The following POLR2K variants were observed in gnomAD, a reference collection of about 807,000 sequenced individuals.
POLR2K encodes the protein DNA-directed RNA polymerases I, II, and III subunit RPABC4.
A neutral mutation model predicts 10.1 loss-of-function variants in POLR2K; 9 were observed. That is an observed-to-expected ratio of 0.89 (90% CI 0.54 to 1.56). The LOEUF is 1.56. POLR2K is among the 40% of genes most tolerant of loss of function. The probability of loss-of-function intolerance (pLI) is 0.00; values close to 1 mark genes in which losing one functional copy is unlikely to be tolerated. For synonymous variants in POLR2K, 19 were observed against 20.3 expected (o/e 0.94, Z 0.17); for missense variants, 53 against 71.9 (o/e 0.74, Z 0.95).
At chr8:100,151,958 A>C in intron 3 of POLR2K, 42 bp downstream of exon 3, 1 of 892,952 alleles carries the variant, frequency 1.1e-6, no homozygotes, top group South Asian at 1.4e-5. Flanking sequence ...GTTAGGAGGA[A>C]ATGAATAATG....
chr8:100,151,285 G>A, intron 1 of POLR2K, 62 bp from the exon 2 acceptor site: 1 of 1,047,230 alleles, frequency 9.5e-7, no homozygotes. Context: ...GAGAAAAATG[G>A]GCCCGGATGG....
chr8:100,153,183 C>A, intron 3 of POLR2K, 111 bp from the exon 4 acceptor site: 2 of 728,386 alleles, frequency 2.7e-6, no homozygotes, highest in South Asian at 1.8e-5. Flanking sequence ...TTCTTTTTTG[C>A]ATTTTAAGTT....
chr8:100,151,192 T>G lies in POLR2K; in HGVS notation c.-9-155T>G, dbSNP rs1814912505. 15 of 645,946 alleles carry G rather than the reference T, an allele frequency of 2.3e-5. No individual in the cohort carries two copies. The South Asian group carries it at 2.6e-4, about 11-fold the overall frequency. The allele number at this position is 645,946 out of a possible 1,614,324, so 40.0% of individuals were successfully genotyped here. A position where few individuals can be genotyped will look rare whatever the true frequency, so the allele number is the denominator to read the frequency against. On this transcript the variant is annotated intron_variant, in intron 1 of 3. Transcript: ENST00000353107. Reference sequence around the variant, plus strand: ...TTGGGGTAAACGCTCAATACTTGTGTGTATGCGTTTCGTCCTTGAGACCTA... The same window carrying G: ...TTGGGGTAAACGCTCAATACTTGTGGGTATGCGTTTCGTCCTTGAGACCTA...
chr8:100,153,172 A>C, intron 3 of POLR2K, 122 bp from the exon 4 acceptor site: 1 of 697,456 alleles, frequency 1.4e-6, no homozygotes. Context: ...AGTGAATTCC[A>C]TTCTTTTTTG....
intron 3 of POLR2K, among the ~76,000 whole-genome samples, chr8:100,152,858 T>C (rs983020357): frequency 1.3e-5 from 2 of 152,144 alleles, no homozygotes; most frequent in Admixed American, 6.5e-5. Flanking sequence ...AGCTCTGCCT[T>C]CCGGGTTCAT....
At chr8:100,151,681 A>G (rs1273979639) in intron 2 of POLR2K, 143 bp from the exon 3 acceptor site, 1 of 597,138 alleles carries the variant, frequency 1.7e-6, no homozygotes, top group Non-Finnish European at 3.0e-6. Flanking sequence ...TTCCTATTTA[A>G]TATATTTAAT....
chr8:100,151,525 G>T, intron 2 of POLR2K, 109 bp downstream of exon 2: 1 of 778,232 alleles, frequency 1.3e-6, no homozygotes, highest in Non-Finnish European at 2.2e-6. Flanking sequence ...TTATAAAGTA[G>T]AACACTTTAG....
intron 1 of POLR2K, 99 bp downstream of exon 1, chr8:100,150,808 G>A (rs1814906897): frequency 6.5e-6 from 1 of 154,028 alleles, no homozygotes; most frequent in African/African-American, 2.4e-5. Context: ...AGAGTTGAGA[G>A]TGGCTGGGGA....
chr8:100,153,441 A>G lies in POLR2K; in HGVS notation c.*125A>G. On this transcript the variant is annotated 3_prime_UTR_variant, in exon 4 of 4. Transcript: ENST00000353107. The stretch of plus-strand genomic sequence containing the variant: ...CCCTTATCTTCGGGAGATACATTCC[A>G]AGGCCCCCAGTGAACTCCTGAAACC... 1.3e-6 allele frequency: 1 copy of G among 797,220 alleles called. No individual in the cohort carries two copies. The allele number at this position is 797,220 out of a possible 1,614,324, so 49.4% of individuals were successfully genotyped here.
At chr8:100,151,298 T>G in intron 1 of POLR2K, 49 bp from the exon 2 acceptor site, 1 of 1,220,316 alleles carries the variant, frequency 8.2e-7, no homozygotes. Context: ...CCGGATGGAC[T>G]TGTGAGAAGC....
chr8:100,151,840 T>C lies in POLR2K; in HGVS notation c.78T>C (p.Asn26=), dbSNP rs760324300. The C allele has an allele frequency of 2.9e-5, 45 of 1,536,618 alleles. 1 individual carries two copies. The Admixed American group carries it at 6.3e-4, about 21-fold the overall frequency. ...TAATTCTAGAGTGTCACACAGAAAA[T>C]GAAATAAAATCTAGGGATCCAATCA... ...IYICGECHTE[N]EIKSRDPIRC... The change falls in exon 3 of 4, where the codon AAT becomes AAC. Residue 26 remains asparagine (N), a synonymous_variant. Coordinates refer to ENST00000353107, the MANE Select transcript of POLR2K (RefSeq NM_005034.4).
intron 3 of POLR2K, chr8:100,152,248 A>G (rs1047222239): frequency 2.3e-6 from 1 of 437,324 alleles, no homozygotes; most frequent in Admixed American, 4.4e-5. Flanking sequence ...CATCTAGGCT[A>G]TATGGTATAG....
Position 100,153,851 on chromosome 8 carries a change from A to G in POLR2K, c.*535A>G, listed in dbSNP as rs759521007. The G allele has an allele frequency of 1.3e-5, 2 of 152,270 alleles. No homozygotes were observed. The highest frequency in any genetic ancestry group is 2.9e-5 in the Non-Finnish European group (2 of 68,008). 9.4% of individuals were successfully genotyped at this position (152,270 alleles called of 1,614,324 possible). Reference sequence around the variant, plus strand: ...GTTCCATTACGTGACTTTTTGTTTTATTGTATATGTAATTTAACACACAAT... The same window carrying G: ...GTTCCATTACGTGACTTTTTGTTTTGTTGTATATGTAATTTAACACACAAT... On this transcript the variant is annotated 3_prime_UTR_variant, in exon 4 of 4. Coordinates refer to ENST00000353107, the MANE Select transcript of POLR2K (RefSeq NM_005034.4).
intron 3 of POLR2K, 57 bp downstream of exon 3, chr8:100,151,973 G>A: frequency 3.6e-6 from 3 of 822,780 alleles, no homozygotes; most frequent in Non-Finnish European, 6.3e-6. Context: ...ATAATGCTGG[G>A]GTTGATAAAG....
Position 100,151,476 on chromosome 8 carries a change from C to A in POLR2K, c.61+60C>A, listed in dbSNP as rs572120631. ...TATTTAAGTTTTTTTGAAATTGTTA[C>A]ATTTATTCTTTGCTTAAATGAGTTA... On this transcript the variant is annotated intron_variant, in intron 2 of 3. Coordinates refer to ENST00000353107, the MANE Select transcript of POLR2K (RefSeq NM_005034.4). 41 of 1,084,740 alleles carry A rather than the reference C, an allele frequency of 3.8e-5. 2 individuals are homozygous for A. The South Asian group carries it at 5.0e-4, about 13-fold the overall frequency. The allele number at this position is 1,084,740 out of a possible 1,614,324, so 67.2% of individuals were successfully genotyped here.
At chr8:100,152,155 A>G (rs1814928464) in intron 3 of POLR2K, 1 of 574,504 alleles carries the variant, frequency 1.7e-6, no homozygotes, top group Admixed American at 3.6e-5. Flanking sequence ...GCTTGAGGAT[A>G]GGGATACATT....
chr8:100,152,895 G>A (rs565803640), intron 3 of POLR2K, among the ~76,000 whole-genome samples: 18 of 152,164 alleles, frequency 1.2e-4, no homozygotes, highest in Admixed American at 3.9e-4. Context: ...AGCCTCCTGA[G>A]TAGCTGGGAC....
chr8:100,153,426 C>T lies in POLR2K; in HGVS notation c.*110C>T, dbSNP rs549868852. The T allele has an allele frequency of 2.9e-5, 26 of 906,652 alleles. No homozygotes were observed. The highest frequency in any genetic ancestry group is 4.0e-5 in the Admixed American group (2 of 49,786). 56.2% of individuals were successfully genotyped at this position (906,652 alleles called of 1,614,324 possible). On this transcript the variant is annotated 3_prime_UTR_variant, in exon 4 of 4. Transcript: ENST00000353107. ...GCTTACAGTAGTTCCCCCTTATCTTCGGGAGATACATTCCAAGGCCCCCAG... is the reference window on the plus strand; with the variant it reads ...GCTTACAGTAGTTCCCCCTTATCTTTGGGAGATACATTCCAAGGCCCCCAG...
Position 100,150,662 on chromosome 8 carries a change from G to C in POLR2K, c.-57G>C, listed in dbSNP as rs1386589401. 1.3e-5 allele frequency: 2 copies of C among 152,408 alleles called. No individual in the cohort carries two copies. The highest frequency in any genetic ancestry group is 2.9e-5 in the Non-Finnish European group (2 of 68,206). 9.4% of individuals were successfully genotyped at this position (152,408 alleles called of 1,614,324 possible). ...GAAGTTGGTCTCGACACCTGGACTA[G>C]CCGGGTTGTATTTGGAAACGCGGAG... On this transcript the variant is annotated 5_prime_UTR_variant, in exon 1 of 4. Coordinates refer to ENST00000353107, the MANE Select transcript of POLR2K (RefSeq NM_005034.4).
Sources: allele counts gnomAD v4.1 joint callset (sites outside exome capture counted in the v4.1 genomes callset), GRCh38; gene constraint gnomAD v4.1.1; transcripts MANE v1.5; gene names NCBI Gene and HGNC (gene_info 2026-07-23, HGNC 2026-07-21).